UTP14C: variants seen among roughly 807,000 people sequenced by gnomAD.
UTP14C encodes the protein U3 small nucleolar RNA-associated protein 14 homolog C.
A neutral mutation model predicts 14.6 loss-of-function variants in UTP14C; 10 were observed. That is an observed-to-expected ratio of 0.68 (90% CI 0.42 to 1.16). UTP14C has a LOEUF of 1.16. Among genes scored for constraint, UTP14C ranks in the 50% most tolerant of loss-of-function variants. UTP14C has a pLI of 0.00. For synonymous variants in UTP14C, 315 were observed against 331.6 expected (o/e 0.95, Z 0.54); for missense variants, 818 against 890.8 (o/e 0.92, Z 1.04).
chr13:52,028,380 G>T lies in UTP14C; in HGVS notation c.-425G>T. 1 of 1,614,136 alleles carries T rather than the reference G, an allele frequency of 6.2e-7. No individual in the cohort carries two copies. The highest frequency in any genetic ancestry group is 8.5e-7 in the Non-Finnish European group (1 of 1,180,032). ...TTGCACACAATTCGGGGGGCCCAAA[G>T]CTTGACATTGTGGTTCCTCACGAAG... On this transcript the variant is annotated 5_prime_UTR_variant, in exon 2 of 2. Coordinates refer to ENST00000521776, the MANE Select transcript of UTP14C (RefSeq NM_021645.6).
chr13:52,029,310 C>A lies in UTP14C; in HGVS notation c.506C>A (p.Pro169His). 1.2e-6 allele frequency: 2 copies of A among 1,614,110 alleles called. No individual in the cohort carries two copies. The highest frequency in any genetic ancestry group is 1.7e-6 in the Non-Finnish European group (2 of 1,180,006). ...PLGKEQPAIA[P>H]IEHALSGWKA... ...GGGAAGGAGCAGCCAGCCATTGCTC[C>A]CATTGAACATGCGCTCAGTGGCTGG... The change falls in exon 2 of 2, where the codon CCC (proline) becomes CAC (histidine). Residue 169 changes from proline to histidine, a missense_variant. Transcript: ENST00000521776.
intron 1 of UTP14C, among the ~76,000 whole-genome samples, chr13:52,026,810 T>A (rs763743355): frequency 3.3e-5 from 5 of 152,262 alleles, no homozygotes; most frequent in Admixed American, 6.5e-5. Flanking sequence ...GAGTCTGAAG[T>A]TGAGAGGAGT....
In UTP14C at chr13:52,029,976, C is replaced by G. The variant is rs750198457; in HGVS notation, c.1172C>G (p.Pro391Arg). Residue 391 changes from proline to arginine, a missense_variant, in exon 2 of 2, where the codon CCT (proline) becomes CGT (arginine). Physicochemically the swap from Pro to Arg is moderately radical, Grantham distance 103 (BLOSUM62 -2). Coordinates refer to ENST00000521776, the MANE Select transcript of UTP14C (RefSeq NM_021645.6). ...AAAGAGGCTGCAACACAGGAGGACC[C>G]TGAGCAAGTGCCAGAGCTTGCAGCT... is the stretch of plus-strand genomic sequence containing the variant. ...DTKEAATQED[P>R]EQVPELAAHE... 1 of 1,614,232 alleles carries G rather than the reference C, an allele frequency of 6.2e-7. No individual in the cohort carries two copies.
rs748408453 is a variant in UTP14C, at chr13:52,029,664, A to G, written c.860A>G (p.Asn287Ser). The G allele has an allele frequency of 1.9e-6, 3 of 1,614,248 alleles. No individual in the cohort carries two copies. The highest frequency in any genetic ancestry group is 2.5e-6 in the Non-Finnish European group (3 of 1,180,044). The change falls in exon 2 of 2, where the codon AAT (asparagine) becomes AGT (serine). Residue 287 changes from asparagine (N) to serine (S), a missense_variant. Asn to Ser is a conservative substitution (Grantham distance 46, BLOSUM62 1). Coordinates refer to ENST00000521776, the MANE Select transcript of UTP14C (RefSeq NM_021645.6). ...CTGGAAGAAATGGAAAAAATTGAAAATGCCAGAATGATGGAAAGAATGAGC... is the reference window on the plus strand; with the variant it reads ...CTGGAAGAAATGGAAAAAATTGAAAGTGCCAGAATGATGGAAAGAATGAGC... Reference protein sequence around the residue: ...VALEEMEKIENARMMERMSLK... With the variant: ...VALEEMEKIESARMMERMSLK...
chr13:52,026,200 G>A (rs116389781), intron 1 of UTP14C, among the ~76,000 whole-genome samples: 3 of 152,214 alleles, frequency 2.0e-5, no homozygotes, highest in African/African-American at 7.2e-5. Context: ...CCAAGGAAAT[G>A]ATGTGACACT....
Position 52,031,562 on chromosome 13 carries a change from T to C in UTP14C, c.*457T>C. ...TCAGCACATTTGTGTGGGTCTCTCA[T>C]TGTCCCTTAACAGTGCCGCATCTCA... On this transcript the variant is annotated 3_prime_UTR_variant, in exon 2 of 2. Transcript: ENST00000521776. The C allele has an allele frequency of 5.5e-6, 1 of 181,058 alleles. No homozygotes were observed. Among genetic ancestry groups the C allele is most frequent in the Non-Finnish European group, 1.3e-5 (1 of 75,478 alleles). The allele number at this position is 181,058 out of a possible 1,614,324, so 11.2% of individuals were successfully genotyped here. A position where few individuals can be genotyped will look rare whatever the true frequency, so the allele number is the denominator to read the frequency against.
Position 52,029,287 on chromosome 13 carries a change from G to A in UTP14C, c.483G>A (p.Gly161=), listed in dbSNP as rs1273423380. ...QQAEQLVFPL[G]KEQPAIAPIE... ...CAGAGCAGCTGGTTTTTCCCCTGGG[G>A]AAGGAGCAGCCAGCCATTGCTCCCA... Residue 161 remains glycine, a synonymous_variant, in exon 2 of 2, where the codon GGG becomes GGA. Transcript: ENST00000521776. 4 of 1,614,162 alleles carry A rather than the reference G, an allele frequency of 2.5e-6. No homozygotes were observed. The highest frequency in any genetic ancestry group is 3.4e-6 in the Non-Finnish European group (4 of 1,180,028).
chr13:52,029,092 ATCT>A lies in UTP14C; in HGVS notation c.293_295del (p.Ser98del), dbSNP rs1441357161. On this transcript the variant is annotated inframe_deletion, in exon 2 of 2. Coordinates refer to ENST00000521776, the MANE Select transcript of UTP14C (RefSeq NM_021645.6). ...ATCTGCTTGAGCCCGTTAAAACTTC[ATCT>A]TCTTTGGCCACTGTAAAAAAGCAAC... The A allele has an allele frequency of 6.8e-6, 11 of 1,614,164 alleles. No individual in the cohort carries two copies. The highest frequency in any genetic ancestry group is 4.5e-5 in the East Asian group (2 of 44,906).
At chr13:52,025,949 A>G (rs1429291101) in intron 1 of UTP14C, among the ~76,000 whole-genome samples, 1 of 152,208 alleles carries the variant, frequency 6.6e-6, no homozygotes, top group Non-Finnish European at 1.5e-5. Flanking sequence ...GCTTCCTTCC[A>G]TAGAAACTTA....
chr13:52,029,822 T>C lies in UTP14C; in HGVS notation c.1018T>C (p.Ser340Pro). ...KELTQKLQVA[S>P]ESEEEEGGTE... Reference sequence around the variant, plus strand: ...ACTGACACAGAAACTCCAGGTAGCCTCTGAGAGTGAGGAAGAGGAGGGAGG... The same window carrying C: ...ACTGACACAGAAACTCCAGGTAGCCCCTGAGAGTGAGGAAGAGGAGGGAGG... Residue 340 changes from serine (S) to proline (P), a missense_variant, in exon 2 of 2, where the codon TCT becomes CCT. Ser to Pro is a moderately conservative substitution (Grantham distance 74). Coordinates refer to ENST00000521776, the MANE Select transcript of UTP14C (RefSeq NM_021645.6). 1 of 1,614,186 alleles carries C rather than the reference T, an allele frequency of 6.2e-7. No individual in the cohort carries two copies. Among genetic ancestry groups the C allele is most frequent in the Non-Finnish European group, 8.5e-7 (1 of 1,180,036 alleles).
chr13:52,024,946 G>A lies in UTP14C; in HGVS notation c.-487+9G>A. On this transcript the variant is annotated intron_variant, in intron 1 of 1. Coordinates refer to ENST00000521776, the MANE Select transcript of UTP14C (RefSeq NM_021645.6). Reference sequence around the variant, plus strand: ...CGAGCATTTTGGGATTGGTGAGTTTGGCCTTTAAACAACTTGTTTGGTGCC... The same window carrying A: ...CGAGCATTTTGGGATTGGTGAGTTTAGCCTTTAAACAACTTGTTTGGTGCC... The A allele has an allele frequency of 6.2e-7, 1 of 1,605,562 alleles. No homozygotes were observed. Among genetic ancestry groups the A allele is most frequent in the Non-Finnish European group, 8.5e-7 (1 of 1,179,558 alleles).
In UTP14C at chr13:52,029,257, G is replaced by T. The variant is rs764940720; in HGVS notation, c.453G>T (p.Gln151His). ...SKWDPIILKN[Q>H]QAEQLVFPLG... Reference sequence around the variant, plus strand: ...GGGACCCTATCATCCTGAAGAACCAGCAGGCAGAGCAGCTGGTTTTTCCCC... The same window carrying T: ...GGGACCCTATCATCCTGAAGAACCATCAGGCAGAGCAGCTGGTTTTTCCCC... Residue 151 changes from glutamine to histidine, a missense_variant, in exon 2 of 2, where the codon CAG becomes CAT. Coordinates refer to ENST00000521776, the MANE Select transcript of UTP14C (RefSeq NM_021645.6). 3.1e-6 allele frequency: 5 copies of T among 1,614,162 alleles called. No individual in the cohort carries two copies. In the East Asian group the frequency reaches 1.1e-4, roughly 36 times the overall value.
Position 52,031,252 on chromosome 13 carries a change from CATTA to C in UTP14C, c.*151_*154del. 8.6e-7 allele frequency: 1 copy of C among 1,165,962 alleles called. No homozygotes were observed. The allele number at this position is 1,165,962 out of a possible 1,614,324, so 72.2% of individuals were successfully genotyped here. The stretch of plus-strand genomic sequence containing the variant: ...TTTTTAAAAAAAGAAAATGGATGAC[CATTA>C]ATTGACTAGCATTTTAGAATTGATC... On this transcript the variant is annotated 3_prime_UTR_variant, in exon 2 of 2. Coordinates refer to ENST00000521776, the MANE Select transcript of UTP14C (RefSeq NM_021645.6).
At chr13:52,028,088 A>G (rs918915899) in intron 1 of UTP14C, among the ~76,000 whole-genome samples, 12 of 151,826 alleles carry the variant, frequency 7.9e-5, no homozygotes, top group African/African-American at 2.7e-4. Flanking sequence ...GTGAGACCCT[A>G]TCTCTTAAAA....
At chr13:52,026,946 A>G (rs1954247090) in intron 1 of UTP14C, among the ~76,000 whole-genome samples, 1 of 152,204 alleles carries the variant, frequency 6.6e-6, no homozygotes, top group African/African-American at 2.4e-5. Flanking sequence ...CAAAATGCAG[A>G]GAACAGGAAC....
chr13:52,025,420 A>T (rs1954231370), intron 1 of UTP14C, among the ~76,000 whole-genome samples: 2 of 152,326 alleles, frequency 1.3e-5, no homozygotes, highest in South Asian at 4.1e-4. Context: ...GAATGGCCAA[A>T]TGAGAATCTC....
chr13:52,026,426 C>T (rs188284485), intron 1 of UTP14C, among the ~76,000 whole-genome samples: 2 of 152,188 alleles, frequency 1.3e-5, no homozygotes, highest in Non-Finnish European at 2.9e-5. Flanking sequence ...CCAGTCCATT[C>T]TGGCCACATG....
In UTP14C at chr13:52,024,750, C is replaced by T. The variant is rs753485735; in HGVS notation, c.-674C>T. On this transcript the variant is annotated 5_prime_UTR_variant, in exon 1 of 2. Transcript: ENST00000521776. ...AGTCACCTCCTTCGCTTAAACTTGT[C>T]CTCATTGGAGGTTGTCGTAACAAAG... The T allele has an allele frequency of 1.2e-6, 2 of 1,614,180 alleles. No homozygotes were observed. Among genetic ancestry groups the T allele is most frequent in the South Asian group, 2.2e-5 (2 of 91,080 alleles).
Position 52,030,496 on chromosome 13 carries a change from C to G in UTP14C, c.1692C>G (p.Thr564=). 1 of 1,614,202 alleles carries G rather than the reference C, an allele frequency of 6.2e-7. No individual in the cohort carries two copies. Among genetic ancestry groups the G allele is most frequent in the Non-Finnish European group, 8.5e-7 (1 of 1,180,034 alleles). The part of the protein sequence containing the change: ...EQLINLQNFL[T]TQSPSVRSLA... ...TGATCAACCTACAGAACTTCCTGAC[C>G]ACACAGTCTCCTTCCGTGAGGTCTT... The change falls in exon 2 of 2, where the codon ACC becomes ACG. Residue 564 remains threonine (T), a synonymous_variant. Transcript: ENST00000521776.
Sources: allele counts gnomAD v4.1 joint callset (sites outside exome capture counted in the v4.1 genomes callset), GRCh38; gene constraint gnomAD v4.1.1; transcripts MANE v1.5; gene names NCBI Gene and HGNC (gene_info 2026-07-23, HGNC 2026-07-21).